The following SPSB1 variants were observed in gnomAD, a reference collection of about 807,000 sequenced individuals.
SPSB1 encodes splA/ryanodine receptor domain and SOCS box containing 1.
Under a neutral mutation model 21.2 loss-of-function variants are expected in SPSB1, and 8 were observed. The ratio of observed to expected loss-of-function variants is 0.38; its 90% CI spans 0.22 to 0.68. The LOEUF is 0.68. Ranked by LOEUF, SPSB1 falls within the 30% of genes least tolerant of loss-of-function variation. SPSB1 has a pLI of 0.53. For missense variants in SPSB1, 242 were observed against 377.8 expected (o/e 0.64, Z 2.98); for synonymous variants, 169 against 161.7 (o/e 1.05, Z -0.34).
At chr1:9,362,184 C>G (rs1312559785) in intron 2 of SPSB1, among the ~76,000 whole-genome samples, 2 of 146,850 alleles carry the variant, frequency 1.4e-5, no homozygotes, top group African/African-American at 5.0e-5. Flanking sequence ...CACCCACCCT[C>G]CCTCCCTCCC....
In SPSB1 at chr1:9,293,416, G is replaced by T. The variant is rs1570161360; in HGVS notation, c.-150+345G>T. 6.6e-6 allele frequency among the ~76,000 whole-genome samples: 1 copy of T among 151,470 alleles called. No homozygotes were observed. The highest frequency in any genetic ancestry group is 6.6e-5 in the Admixed American group (1 of 15,226). On this transcript the variant is annotated intron_variant, in intron 1 of 2. Transcript: ENST00000328089. The surrounding 1 kb of genome is among the most constrained non-coding windows in gnomAD (Gnocchi z 5.1). ...CAACGAGTTGCGGTCCCGAGGAGGGGCTGGGGCGCTCCGGGGCCGCCGACC... is the reference window on the plus strand; with the variant it reads ...CAACGAGTTGCGGTCCCGAGGAGGGTCTGGGGCGCTCCGGGGCCGCCGACC...
chr1:9,306,387 G>A (rs1302128948), intron 1 of SPSB1, among the ~76,000 whole-genome samples: 1 of 152,226 alleles, frequency 6.6e-6, no homozygotes, highest in East Asian at 1.9e-4. Context: ...GGAGGTGGAA[G>A]ATGGATGGAG....
At chr1:9,339,267 G>C in intron 1 of SPSB1, 1 of 985,402 alleles carries the variant, frequency 1.0e-6, no homozygotes. Flanking sequence ...AGGTCCCCCG[G>C]TAGGTATCTG....
At chr1:9,311,264 G>T (rs1042949578) in intron 1 of SPSB1, among the ~76,000 whole-genome samples, 27 of 151,578 alleles carry the variant, frequency 1.8e-4, no homozygotes, top group South Asian at 6.3e-4. Context: ...GCTATGCCCA[G>T]ACAGGGCCGA....
chr1:9,337,616 G>A (rs533012861), intron 1 of SPSB1, among the ~76,000 whole-genome samples: 3 of 152,320 alleles, frequency 2.0e-5, no homozygotes, highest in Non-Finnish European at 4.4e-5. Flanking sequence ...GCCTTGCTGA[G>A]GTGGGGTCCC....
chr1:9,316,410 G>A (rs544942120), intron 1 of SPSB1, among the ~76,000 whole-genome samples: 9 of 152,338 alleles, frequency 5.9e-5, no homozygotes, highest in Non-Finnish European at 8.8e-5. Flanking sequence ...GTGTGCATAT[G>A]TGCTTGTGTG....
At chr1:9,350,570 A>G (rs1226501837) in intron 1 of SPSB1, among the ~76,000 whole-genome samples, 1 of 152,126 alleles carries the variant, frequency 6.6e-6, no homozygotes, top group African/African-American at 2.4e-5. Flanking sequence ...CACACAGTGT[A>G]CACGTGTGTG....
At chr1:9,311,083 G>C (rs537968268) in intron 1 of SPSB1, among the ~76,000 whole-genome samples, 1 of 151,472 alleles carries the variant, frequency 6.6e-6, no homozygotes, top group Non-Finnish European at 1.5e-5. Context: ...CCCGCCTCTA[G>C]CCTCCCAGGC....
chr1:9,358,816 A>T (rs1250578396), intron 2 of SPSB1, among the ~76,000 whole-genome samples: 1 of 152,216 alleles, frequency 6.6e-6, no homozygotes, highest in Middle Eastern at 3.4e-3. Context: ...GTTATGTATC[A>T]TAGCTCCAGT....
intron 1 of SPSB1, among the ~76,000 whole-genome samples, chr1:9,322,065 C>T (rs1463544237): frequency 6.6e-6 from 1 of 152,234 alleles, no homozygotes; most frequent in African/African-American, 2.4e-5. Context: ...TATGTGCACT[C>T]CCCGAGCACC....
intron 1 of SPSB1, among the ~76,000 whole-genome samples, chr1:9,309,752 GAA>G (rs1639486901): frequency 6.6e-6 from 1 of 152,188 alleles, no homozygotes. Context: ...TGAGGCAGGA[GAA>G]TCGCTTGAAC....
At chr1:9,340,828 C>T (rs1397293593) in intron 1 of SPSB1, among the ~76,000 whole-genome samples, 4 of 152,246 alleles carry the variant, frequency 2.6e-5, no homozygotes, top group Admixed American at 1.3e-4. Flanking sequence ...TCTGATGTCG[C>T]GGAGCAGCTC....
At chr1:9,335,270 G>T (rs1639986384) in intron 1 of SPSB1, among the ~76,000 whole-genome samples, 1 of 152,206 alleles carries the variant, frequency 6.6e-6, no homozygotes, top group African/African-American at 2.4e-5. Flanking sequence ...GGGAGGCTGA[G>T]GTGGCCAGAT....
chr1:9,322,746 G>A (rs1055801779), intron 1 of SPSB1, among the ~76,000 whole-genome samples: 3 of 152,222 alleles, frequency 2.0e-5, no homozygotes, highest in African/African-American at 7.2e-5. Flanking sequence ...GCAGGTGTCG[G>A]AGAGGGATGT....
chr1:9,299,795 A>AT lies in SPSB1; in HGVS notation c.-150+6724_-150+6725insT, dbSNP rs1639295941. Among the ~76,000 whole-genome samples the AT allele has an allele frequency of 2.0e-5, 3 of 151,632 alleles. No homozygotes were observed. The South Asian group carries it at 6.3e-4, about 32-fold the overall frequency. ...CGCCCGGGCCGACATCATCTCTATA[A>AT]ATTTTTTTTTTTTTTAAATTAGCCA... On this transcript the variant is annotated intron_variant, in intron 1 of 2. Transcript: ENST00000328089.
chr1:9,340,113 G>A (rs547744191), intron 1 of SPSB1, among the ~76,000 whole-genome samples: 14 of 152,320 alleles, frequency 9.2e-5, no homozygotes, highest in Admixed American at 3.3e-4. Flanking sequence ...TCTGTGGGCC[G>A]CCCTAGGGTC....
At chr1:9,342,700 C>G (rs759490568) in intron 1 of SPSB1, among the ~76,000 whole-genome samples, 5 of 152,238 alleles carry the variant, frequency 3.3e-5, no homozygotes, top group Non-Finnish European at 5.9e-5. Flanking sequence ...CTGGGGCACA[C>G]ATCCGAGATG....
chr1:9,320,710 C>T (rs1460401552), intron 1 of SPSB1, among the ~76,000 whole-genome samples: 2 of 152,186 alleles, frequency 1.3e-5, no homozygotes, highest in South Asian at 2.1e-4. Context: ...GACTGCACCC[C>T]GGGCTCGCCT....
At chr1:9,343,886 T>C (rs11121379) in intron 1 of SPSB1, among the ~76,000 whole-genome samples, 39,167 of 151,964 alleles carry the variant, frequency 0.26, 6,128 homozygotes, top group African/African-American at 0.44. Flanking sequence ...CCTGGGTTCA[T>C]GCCATTCTCC....
Sources: gnomAD v4.1 joint callset for allele counts (sites outside exome capture counted in the v4.1 genomes callset) on GRCh38, gnomAD v4.1.1 for gene constraint, Gnocchi (gnomAD v3.1) non-coding constraint, MANE v1.5 for transcripts, NCBI Gene and HGNC (gene_info 2026-07-23, HGNC 2026-07-21) for gene names.